RPS6KA6: variants seen among roughly 807,000 people sequenced by gnomAD.
The protein encoded by RPS6KA6 is ribosomal protein S6 kinase A6, also known as ribosomal protein S6 kinase alpha-6.
RPS6KA6 carries 27 observed loss-of-function variants against 65.4 expected under a neutral mutation model. The observed-to-expected ratio is 0.41, with a 90% CI of 0.30 to 0.57. RPS6KA6 has a LOEUF of 0.57. Ranked by LOEUF, RPS6KA6 falls within the 20% of genes least tolerant of loss-of-function variation. RPS6KA6 has a pLI of 0.24. For missense variants in RPS6KA6, 486 were observed against 555.6 expected (o/e 0.87, Z 1.26); for synonymous variants, 190 against 184.2 (o/e 1.03, Z -0.26).
Position 84,094,649 on chromosome X carries a change from AAAATAAAAATAAAT to A in RPS6KA6, c.1971+1531_1971+1544del, listed in dbSNP as rs778845088. 2.6e-3 allele frequency among the ~76,000 whole-genome samples: 281 copies of A among 109,760 alleles called. 2 individuals are homozygous for A. The highest frequency in any genetic ancestry group is 9.1e-3 in the African/African-American group (274 of 30,246). On this transcript the variant is annotated intron_variant, in intron 20 of 21. Transcript: ENST00000262752. ...AACAGAGCAAGACTCCGTCTCAAAAAAAATAAAAATAAATAAATAAATAAATACATAAATAAATA... is the reference window on the plus strand; with the variant it reads ...AACAGAGCAAGACTCCGTCTCAAAAAAAATAAATAAATACATAAATAAATA...
intron 6 of RPS6KA6, among the ~76,000 whole-genome samples, chrX:84,140,620 G>T (rs903660914): frequency 1.3e-4 from 14 of 105,776 alleles, no homozygotes; most frequent in Non-Finnish European, 2.5e-4. Context: ...TGTAGTCCCA[G>T]CTATGCAGGA....
chrX:84,076,862 T>G (rs1254840611), intron 20 of RPS6KA6, among the ~76,000 whole-genome samples: 1 of 111,226 alleles, frequency 9.0e-6, no homozygotes, highest in East Asian at 2.8e-4. Flanking sequence ...ACTATTACCA[T>G]CTATGTAGAA....
chrX:84,163,467 G>A lies in RPS6KA6; in HGVS notation c.141+861C>T, dbSNP rs925528701. On this transcript the variant is annotated intron_variant, in intron 2 of 21. Coordinates refer to ENST00000262752, the MANE Select transcript of RPS6KA6 (RefSeq NM_014496.5). Reference sequence around the variant, plus strand: ...ATCCTGGCTAACAAGGTGAAACCCCGTCTCTACTAAAAATACAAAAAATTA... The same window carrying A: ...ATCCTGGCTAACAAGGTGAAACCCCATCTCTACTAAAAATACAAAAAATTA... Among the ~76,000 whole-genome samples the A allele has an allele frequency of 1.2e-4, 13 of 104,948 alleles. No individual in the cohort carries two copies. In the East Asian group the frequency reaches 3.6e-3, roughly 29 times the overall value. The allele number at this position is 104,948 out of a possible 115,157, so 91.1% of individuals were successfully genotyped here. A position where few individuals can be genotyped will look rare whatever the true frequency, so the allele number is the denominator to read the frequency against.
At chrX:84,132,707 G>A (rs2034922666) in intron 8 of RPS6KA6, among the ~76,000 whole-genome samples, 1 of 106,234 alleles carries the variant, frequency 9.4e-6, no homozygotes, top group Non-Finnish European at 1.9e-5. Context: ...TATTAGCAAG[G>A]ATGTAGATCT....
At chrX:84,131,255 C>T (rs2034890177) in intron 8 of RPS6KA6, among the ~76,000 whole-genome samples, 1 of 112,006 alleles carries the variant, frequency 8.9e-6, no homozygotes, top group Non-Finnish European at 1.9e-5. Context: ...TGCTTGTTTA[C>T]AATAAAATAT....
At chrX:84,071,784 A>G (rs2033548021) in intron 20 of RPS6KA6, among the ~76,000 whole-genome samples, 1 of 111,869 alleles carries the variant, frequency 8.9e-6, no homozygotes, top group Non-Finnish European at 1.9e-5. Flanking sequence ...AGATATAGAA[A>G]GAACTATGAG....
Position 84,059,498 on chromosome X carries a change from C to T in RPS6KA6, c.*4779G>A, listed in dbSNP as rs1290134574. On this transcript the variant is annotated 3_prime_UTR_variant, in exon 22 of 22. Coordinates refer to ENST00000262752, the MANE Select transcript of RPS6KA6 (RefSeq NM_014496.5). Reference sequence around the variant, plus strand: ...TATCATACTAAAAAACAAAACACTACATATTTGTTATAAGCAGCAATTTCA... The same window carrying T: ...TATCATACTAAAAAACAAAACACTATATATTTGTTATAAGCAGCAATTTCA... 2 of 111,484 alleles carry T rather than the reference C, an allele frequency of 1.8e-5. No homozygotes were observed. Among genetic ancestry groups the T allele is most frequent in the Non-Finnish European group, 3.8e-5 (2 of 53,145 alleles). The allele number at this position is 111,484 out of a possible 1,213,427, so 9.2% of individuals were successfully genotyped here. A position where few individuals can be genotyped will look rare whatever the true frequency, so the allele number is the denominator to read the frequency against.
rs181802323 is a variant in RPS6KA6, at chrX:84,067,931, C to T, written c.1972-2820G>A. ...CTAACAGTAGATCTCTCTGCAGAAA[C>T]CCTACAAGCCTGAAGACAGTGAGGG... On this transcript the variant is annotated intron_variant, in intron 20 of 21. Transcript: ENST00000262752. Among the ~76,000 whole-genome samples the T allele has an allele frequency of 1.9e-4, 21 of 112,057 alleles. No individual in the cohort carries two copies. The East Asian group carries it at 5.9e-3, about 32-fold the overall frequency.
At chrX:84,103,385 T>TAA in intron 17 of RPS6KA6, among the ~76,000 whole-genome samples, 1 of 109,606 alleles carries the variant, frequency 9.1e-6, no homozygotes, top group Admixed American at 9.8e-5. Context: ...GTAGGACTGG[T>TAA]AAAAAAAAAT....
chrX:84,116,791 T>C (rs929089771), intron 11 of RPS6KA6, among the ~76,000 whole-genome samples: 1 of 110,888 alleles, frequency 9.0e-6, no homozygotes, highest in African/African-American at 3.3e-5. Flanking sequence ...AAAGATTACC[T>C]GTACAAGGGA....
chrX:84,081,737 C>T (rs907176432), intron 20 of RPS6KA6, among the ~76,000 whole-genome samples: 1 of 111,834 alleles, frequency 8.9e-6, no homozygotes, highest in Non-Finnish European at 1.9e-5. Flanking sequence ...CATCAAAAAG[C>T]TTATCCACCA....
chrX:84,108,865 C>T (rs1376694538), intron 12 of RPS6KA6, among the ~76,000 whole-genome samples: 2 of 112,024 alleles, frequency 1.8e-5, no homozygotes, highest in East Asian at 2.8e-4. Flanking sequence ...GAGCAGAATG[C>T]ACGCTGCAAA....
chrX:84,060,165 A>G lies in RPS6KA6; in HGVS notation c.*4112T>C, dbSNP rs1056864557. 9.0e-6 allele frequency: 1 copy of G among 111,538 alleles called. No individual in the cohort carries two copies. The highest frequency in any genetic ancestry group is 3.3e-5 in the African/African-American group (1 of 30,758). The allele number at this position is 111,538 out of a possible 1,213,427, so 9.2% of individuals were successfully genotyped here. A position where few individuals can be genotyped will look rare whatever the true frequency, so the allele number is the denominator to read the frequency against. On this transcript the variant is annotated 3_prime_UTR_variant, in exon 22 of 22. Coordinates refer to ENST00000262752, the MANE Select transcript of RPS6KA6 (RefSeq NM_014496.5). ...CAATGCCACTATATTCCCACATAAA[A>G]AGGCAAATAGCCCACTATTGATTTA... is the stretch of plus-strand genomic sequence containing the variant.
chrX:84,172,578 T>A (rs1027739974), intron 1 of RPS6KA6, among the ~76,000 whole-genome samples: 119 of 111,753 alleles, frequency 1.1e-3, no homozygotes, highest in African/African-American at 3.5e-3. Flanking sequence ...AAATTTAAAA[T>A]AGAATTACCA....
chrX:84,188,257 G>C (rs2035954798), upstream of RPS6KA6, among the ~76,000 whole-genome samples: 1 of 111,362 alleles, frequency 9.0e-6, no homozygotes, highest in African/African-American at 3.3e-5. Flanking sequence ...TCAATATGGC[G>C]GCAGCGGCGG....
In RPS6KA6 at chrX:84,187,939, C is replaced by CGCT. The variant is rs762566362; in HGVS notation, c.-43_-41dup. On this transcript the variant is annotated 5_prime_UTR_variant, in exon 1 of 22. Coordinates refer to ENST00000262752, the MANE Select transcript of RPS6KA6 (RefSeq NM_014496.5). ...CACTCAAACAGGAGCTGCCGCCTAC[C>CGCT]GCTGGCGCGGCCGCGCATCCTGTCT... 8 of 1,118,422 alleles carry CGCT rather than the reference C, an allele frequency of 7.2e-6. No individual in the cohort carries two copies. The highest frequency in any genetic ancestry group is 9.6e-6 in the Non-Finnish European group (8 of 832,824). The allele number at this position is 1,118,422 out of a possible 1,213,427, so 92.2% of individuals were successfully genotyped here. A position where few individuals can be genotyped will look rare whatever the true frequency, so the allele number is the denominator to read the frequency against.
chrX:84,150,804 G>A (rs1029921198), intron 3 of RPS6KA6, among the ~76,000 whole-genome samples: 1 of 102,963 alleles, frequency 9.7e-6, no homozygotes, highest in African/African-American at 3.5e-5. Context: ...AATATATAGA[G>A]AGGATATATA....
Position 84,181,124 on chromosome X carries a change from T to C in RPS6KA6, c.81+6695A>G, listed in dbSNP as rs913592175. 5.4e-5 allele frequency among the ~76,000 whole-genome samples: 6 copies of C among 111,770 alleles called. No individual in the cohort carries two copies. The East Asian group carries it at 1.7e-3, about 31-fold the overall frequency. ...AAAAAATTTGTATTGGGTGTTTAAATTGCTATATTTCCTCTTAAAGTTTGT... is the reference window on the plus strand; with the variant it reads ...AAAAAATTTGTATTGGGTGTTTAAACTGCTATATTTCCTCTTAAAGTTTGT... On this transcript the variant is annotated intron_variant, in intron 1 of 21. Coordinates refer to ENST00000262752, the MANE Select transcript of RPS6KA6 (RefSeq NM_014496.5).
At position 84,096,103 on chromosome X, in the gene RPS6KA6, T is replaced by C. The variant is rs928484920; in HGVS notation, c.1971+91A>G. 1.9e-5 allele frequency: 11 copies of C among 568,968 alleles called. No individual in the cohort carries two copies. The African/African-American group carries it at 2.5e-4, about 13-fold the overall frequency. The allele number at this position is 568,968 out of a possible 1,213,427, so 46.9% of individuals were successfully genotyped here. On this transcript the variant is annotated intron_variant, in intron 20 of 21. Transcript: ENST00000262752. ...TTCAAAACACTTACATATGACACCA[T>C]TAGATACTCTGCAAACACACACTAA...
Sources: allele counts gnomAD v4.1 joint callset (sites outside exome capture counted in the v4.1 genomes callset), GRCh38; gene constraint gnomAD v4.1.1; transcripts MANE v1.5; gene names NCBI Gene and HGNC (gene_info 2026-07-23, HGNC 2026-07-21).